RIMS2: variants seen among roughly 807,000 people sequenced by gnomAD.
RIMS2 encodes regulating synaptic membrane exocytosis 2.
Under a neutral mutation model 174.4 loss-of-function variants are expected in RIMS2, and 59 were observed. The observed-to-expected ratio is 0.34, with a 90% CI of 0.27 to 0.42. The LOEUF is 0.42. Among genes scored for constraint, RIMS2 ranks in the 10% least tolerant of loss-of-function variants. The pLI, the probability that RIMS2 is intolerant of heterozygous loss-of-function variation, is 1.00. For missense variants in RIMS2, 1,620 were observed against 1,666.3 expected (o/e 0.97, Z 0.48); for synonymous variants, 606 against 572.5 (o/e 1.06, Z -0.84).
chr8:104,218,392 A>T (rs1177273028), intron 19 of RIMS2, among the ~76,000 whole-genome samples: 1 of 152,112 alleles, frequency 6.6e-6, no homozygotes, highest in African/African-American at 2.4e-5. Context: ...ATCATCAGCT[A>T]CGTTAGTGGT....
chr8:104,178,354 G>A (rs2098918126), intron 19 of RIMS2, among the ~76,000 whole-genome samples: 4 of 152,100 alleles, frequency 2.6e-5, no homozygotes, highest in Admixed American at 2.6e-4. Flanking sequence ...GCATTACTTG[G>A]CTCATGGGAC....
intron 1 of RIMS2, among the ~76,000 whole-genome samples, chr8:103,535,923 T>C (rs976947089): frequency 5.9e-5 from 9 of 152,214 alleles, no homozygotes; most frequent in Non-Finnish European, 4.4e-5. Flanking sequence ...ATTTTATAGG[T>C]GGAACTCAGA....
intron 22 of RIMS2, among the ~76,000 whole-genome samples, chr8:104,250,648 G>A (rs945358510): frequency 6.6e-6 from 1 of 152,152 alleles, no homozygotes; most frequent in African/African-American, 2.4e-5. Context: ...ATCACTATTT[G>A]TGGGGATGAG....
intron 1 of RIMS2, among the ~76,000 whole-genome samples, chr8:103,565,497 G>T (rs1004366376): frequency 2.0e-5 from 3 of 151,994 alleles, no homozygotes; most frequent in South Asian, 2.1e-4. Context: ...TAGACACGTC[G>T]TTTTTGCCAT....
intron 19 of RIMS2, among the ~76,000 whole-genome samples, chr8:104,127,624 T>C (rs1599500033): frequency 6.6e-6 from 1 of 152,172 alleles, no homozygotes; most frequent in Non-Finnish European, 1.5e-5. Flanking sequence ...TTCTCATTTA[T>C]GTAATTATGA....
intron 1 of RIMS2, among the ~76,000 whole-genome samples, chr8:103,612,551 G>A (rs796805760): frequency 6.6e-6 from 1 of 152,112 alleles, no homozygotes; most frequent in Admixed American, 6.6e-5. Flanking sequence ...GAATTCTCTG[G>A]ATTACTAGAC....
intron 2 of RIMS2, among the ~76,000 whole-genome samples, chr8:103,708,217 G>A (rs756639401): frequency 6.6e-6 from 1 of 152,200 alleles, no homozygotes; most frequent in African/African-American, 2.4e-5. Flanking sequence ...GGCCACTTTT[G>A]TTAGCCTGTG....
At chr8:104,093,375 T>C (rs984159172) in intron 19 of RIMS2, 96 bp from the exon 24 acceptor site, 4 of 859,410 alleles carry the variant, frequency 4.7e-6, no homozygotes, top group Non-Finnish European at 6.9e-6. Flanking sequence ...CAGTTTCCTC[T>C]GTGGACAATT....
chr8:103,774,063 A>G (rs2098283066), intron 3 of RIMS2, among the ~76,000 whole-genome samples: 1 of 151,832 alleles, frequency 6.6e-6, no homozygotes, highest in African/African-American at 2.4e-5. Flanking sequence ...AATTGCTTGA[A>G]CCCGGGAGGC....
chr8:104,184,037 C>G (rs1374784464), intron 19 of RIMS2, among the ~76,000 whole-genome samples: 1 of 151,424 alleles, frequency 6.6e-6, no homozygotes, highest in Non-Finnish European at 1.5e-5. Flanking sequence ...TGGCCATGGT[C>G]TATAAACATG....
chr8:103,971,761 G>A (rs1197094939), intron 15 of RIMS2, among the ~76,000 whole-genome samples: 1 of 151,868 alleles, frequency 6.6e-6, no homozygotes, highest in East Asian at 1.9e-4. Context: ...TAGTAGAGAT[G>A]GGGTTTCACC....
chr8:103,768,789 G>A, intron 3 of RIMS2: 1 of 716,720 alleles, frequency 1.4e-6, no homozygotes, highest in Non-Finnish European at 2.6e-6. Context: ...AGAAACCTAG[G>A]ACCAAAGCAC....
At chr8:104,145,826 A>G (rs1349038769) in intron 19 of RIMS2, among the ~76,000 whole-genome samples, 2 of 151,720 alleles carry the variant, frequency 1.3e-5, no homozygotes, top group African/African-American at 4.8e-5. Context: ...GCGCCATTGC[A>G]CTCCAGCCTG....
chr8:103,911,295 G>T (rs951037675), intron 5 of RIMS2, among the ~76,000 whole-genome samples: 3 of 151,890 alleles, frequency 2.0e-5, no homozygotes, highest in African/African-American at 7.3e-5. Flanking sequence ...CAGAGGCCTT[G>T]GTTCAGCCCT....
chr8:104,114,053 A>G (rs2098240366), intron 19 of RIMS2, among the ~76,000 whole-genome samples: 1 of 152,052 alleles, frequency 6.6e-6, no homozygotes, highest in Admixed American at 6.6e-5. Context: ...AGATAATTAA[A>G]GACCTGAATT....
chr8:103,782,734 C>A (rs1259438920), intron 3 of RIMS2, among the ~76,000 whole-genome samples: 1 of 151,936 alleles, frequency 6.6e-6, no homozygotes, highest in East Asian at 1.9e-4. Context: ...CTTTTTTTAT[C>A]ATAAGTGAGT....
At chr8:103,657,252 G>C (rs1481006112) in intron 1 of RIMS2, among the ~76,000 whole-genome samples, 1 of 152,160 alleles carries the variant, frequency 6.6e-6, no homozygotes, top group Non-Finnish European at 1.5e-5. Context: ...TGGCAATTCA[G>C]AGATTTAGGC....
At chr8:104,106,952 A>G (rs1469332783) in intron 19 of RIMS2, among the ~76,000 whole-genome samples, 1 of 152,178 alleles carries the variant, frequency 6.6e-6, no homozygotes, top group Non-Finnish European at 1.5e-5. Flanking sequence ...GTGTGGTACT[A>G]TAGTATGACT....
At chr8:103,874,401 G>A (rs921745909) in intron 3 of RIMS2, among the ~76,000 whole-genome samples, 4 of 151,936 alleles carry the variant, frequency 2.6e-5, no homozygotes, top group East Asian at 1.9e-4. Context: ...CATTCCTTCC[G>A]TTTCAAGAAG....
Sources: allele counts gnomAD v4.1 joint callset (sites outside exome capture counted in the v4.1 genomes callset), GRCh38; gene constraint gnomAD v4.1.1; transcripts MANE v1.5; gene names NCBI Gene and HGNC (gene_info 2026-07-23, HGNC 2026-07-21).